Variants in SLC1A5 observed in about 807,000 individuals in gnomAD.
The protein encoded by SLC1A5 is solute carrier family 1 member 5, also known as neutral amino acid transporter B(0).
In SLC1A5, 25 loss-of-function variants were observed where a neutral mutation model predicts 34.9. That is an observed-to-expected ratio of 0.72 (90% CI 0.52 to 1.00). The LOEUF is 1.00. SLC1A5 is among the 50% of genes least tolerant of loss of function. The pLI is 0.00. For synonymous variants in SLC1A5, 351 were observed against 341.2 expected (o/e 1.03, Z -0.32); for missense variants, 637 against 740.0 (o/e 0.86, Z 1.61).
At position 46,782,376 on chromosome 19, in the gene SLC1A5, C is replaced by T; in HGVS notation, c.824+7G>A. ...ACCCACCCCCAGCCTCCTCTCCCAC[C>T]ACCTACCACATGATCCAGGAGACCA... On this transcript the variant is annotated splice_region_variant and intron_variant, in intron 4 of 7. Transcript: ENST00000542575. 1 of 1,604,464 alleles carries T rather than the reference C, an allele frequency of 6.2e-7. No homozygotes were observed. Among genetic ancestry groups the T allele is most frequent in the Non-Finnish European group, 8.5e-7 (1 of 1,173,592 alleles).
At chr19:46,776,283 C>T (rs897603181) in intron 7 of SLC1A5, among the ~76,000 whole-genome samples, 8 of 151,256 alleles carry the variant, frequency 5.3e-5, no homozygotes, top group Non-Finnish European at 1.2e-4. Flanking sequence ...TCACTGCAAC[C>T]TCCACCTCCC....
intron 3 of SLC1A5, among the ~76,000 whole-genome samples, chr19:46,782,930 C>T (rs1329315837): frequency 3.9e-5 from 6 of 152,092 alleles, no homozygotes; most frequent in Non-Finnish European, 8.8e-5. Context: ...GTGCAACAGC[C>T]TAGAAATGAG....
intron 4 of SLC1A5, among the ~76,000 whole-genome samples, chr19:46,779,756 G>T (rs1039339746): frequency 1.3e-5 from 2 of 151,980 alleles, no homozygotes; most frequent in Admixed American, 6.6e-5. Flanking sequence ...AAATAGGCCA[G>T]GCACGGTGGC....
chr19:46,776,626 A>C, intron 7 of SLC1A5: 1 of 233,970 alleles, frequency 4.3e-6, no homozygotes, highest in South Asian at 7.8e-5. Flanking sequence ...CCTTAGGGAG[A>C]GACTGTTCTT....
In SLC1A5 at chr19:46,787,988, T is replaced by A; in HGVS notation, c.-23A>T. ...CATGATGGGAAGCACCGGGGTTTCTTAGCGCCTGGAAGCTGGCTGGGAGCG... is the reference window on the plus strand; with the variant it reads ...CATGATGGGAAGCACCGGGGTTTCTAAGCGCCTGGAAGCTGGCTGGGAGCG... On this transcript the variant is annotated 5_prime_UTR_variant, in exon 1 of 8. Coordinates refer to ENST00000542575, the MANE Select transcript of SLC1A5 (RefSeq NM_005628.3). This position sits in a 1 kb window ranked among gnomAD's most constrained non-coding sequence, Gnocchi z 5.2. 1 of 1,525,618 alleles carries A rather than the reference T, an allele frequency of 6.6e-7. No homozygotes were observed. The allele number at this position is 1,525,618 out of a possible 1,614,324, so 94.5% of individuals were successfully genotyped here. A position where few individuals can be genotyped will look rare whatever the true frequency, so the allele number is the denominator to read the frequency against.
chr19:46,786,354 C>T (rs955256769), intron 1 of SLC1A5, among the ~76,000 whole-genome samples: 6 of 152,152 alleles, frequency 3.9e-5, no homozygotes, highest in Admixed American at 1.3e-4. Flanking sequence ...TGTTTTGGCA[C>T]GCAGGGGAGG....
rs1399677193 is a variant in SLC1A5, at chr19:46,777,091, G to A, written c.1272C>T (p.Ser424=). 6.2e-7 allele frequency: 1 copy of A among 1,613,708 alleles called. No homozygotes were observed. Among genetic ancestry groups the A allele is most frequent in the Non-Finnish European group, 8.5e-7 (1 of 1,179,954 alleles). Residue 424 remains serine, a synonymous_variant, in exon 7 of 8, where the codon TCC becomes TCT. Transcript: ENST00000542575. ...CAGGGATGCCCGCTGCCCCCACGCT[G>A]GACGCTGTGGCCGTGACCCTGAGGG... The part of the protein sequence containing the change: ...IITILVTATA[S]SVGAAGIPAG...
intron 5 of SLC1A5, 152 bp from the exon 6 acceptor site, chr19:46,777,557 T>A (rs2122682351): frequency 1.5e-6 from 1 of 645,744 alleles, no homozygotes; most frequent in Non-Finnish European, 2.4e-6. Flanking sequence ...AGAGCCTGCC[T>A]AAGCAAAGCC....
rs765583035 is a variant in SLC1A5, at chr19:46,784,531, C to T, written c.595G>A (p.Ala199Thr). The T allele has an allele frequency of 2.5e-6, 4 of 1,613,984 alleles. No individual in the cohort carries two copies. Among genetic ancestry groups the T allele is most frequent in the Non-Finnish European group, 3.4e-6 (4 of 1,180,034 alleles). Residue 199 changes from alanine to threonine, a missense_variant, in exon 2 of 8, where the codon GCA becomes ACA. Physicochemically the swap from Ala to Thr is moderately conservative, Grantham distance 58. Transcript: ENST00000542575. ...TGAGGACTCACTGAGCGAAAGGCTG[C>T]TGACACCAGGTTGGAAGGGAAGATA... ...RNIFPSNLVS[A>T]AFRSYSTTYE...
chr19:46,778,863 C>T lies in SLC1A5; in HGVS notation c.870G>A (p.Val290=). Residue 290 remains valine, a synonymous_variant, in exon 5 of 8, where the codon GTG becomes GTA. Transcript: ENST00000542575. ...GIMFLVAGKI[V]EMEDVGLLFA... ...AGAGTAAACCCACATCCTCCATCTC[C>T]ACGATCTTGCCAGCCACCAGGAACA... The T allele has an allele frequency of 6.3e-7, 1 of 1,593,774 alleles. No individual in the cohort carries two copies. The highest frequency in any genetic ancestry group is 2.2e-5 in the East Asian group (1 of 44,776).
At position 46,787,507 on chromosome 19, in the gene SLC1A5, C is replaced by T; in HGVS notation, c.459G>A (p.Leu153=). The change falls in exon 1 of 8, where the codon CTG becomes CTA. Residue 153 remains leucine (L), a synonymous_variant. Coordinates refer to ENST00000542575, the MANE Select transcript of SLC1A5 (RefSeq NM_005628.3). This position sits in a 1 kb window ranked among gnomAD's most constrained non-coding sequence, Gnocchi z 5.2. The part of the protein sequence containing the change: ...SALGVGLALA[L]QPGAASAAIN... ...TGGCGGCGGAGGCGGCGCCCGGCTG[C>T]AGAGCCAGCGCCAAGCCCACTCCGA... 1 of 1,580,980 alleles carries T rather than the reference C, an allele frequency of 6.3e-7. No homozygotes were observed.
At chr19:46,782,742 G>A (rs1346721623) in intron 3 of SLC1A5, among the ~76,000 whole-genome samples, 193 bp from the exon 4 acceptor site, 1 of 152,148 alleles carries the variant, frequency 6.6e-6, no homozygotes, top group African/African-American at 2.4e-5. Context: ...GGTGGGGCTG[G>A]AATAAGGGAG....
intron 7 of SLC1A5, chr19:46,776,650 A>C (rs2055091932): frequency 3.8e-6 from 1 of 262,640 alleles, no homozygotes; most frequent in Admixed American, 4.9e-5. Flanking sequence ...CCCGTTTTAC[A>C]GATGGAGAAA....
At position 46,775,543 on chromosome 19, in the gene SLC1A5, G is replaced by A; in HGVS notation, c.1593C>T (p.Ala531=). 6.2e-7 allele frequency: 1 copy of A among 1,613,646 alleles called. No individual in the cohort carries two copies. The highest frequency in any genetic ancestry group is 8.5e-7 in the Non-Finnish European group (1 of 1,179,720). ...LKHYRGPAGD[A]TVASEKESVM ...CTGATTCCTTCTCAGAGGCGACCGT[G>A]GCATCCCCTGCGGGCCCCCGATAGT... is the stretch of plus-strand genomic sequence containing the variant. The change falls in exon 8 of 8, where the codon GCC becomes GCT. Residue 531 remains alanine (A), a synonymous_variant. Transcript: ENST00000542575.
chr19:46,777,433 G>C (rs1017727209), intron 5 of SLC1A5, 28 bp from the exon 6 acceptor site: 6 of 1,577,252 alleles, frequency 3.8e-6, no homozygotes, highest in African/African-American at 1.3e-5. Flanking sequence ...GCTGAGTTAG[G>C]TTAACCTGCT....
Position 46,787,621 on chromosome 19 carries a change from G to A in SLC1A5, c.345C>T (p.Gly115=), listed in dbSNP as rs1203251116. 86 of 1,565,322 alleles carry A rather than the reference G, an allele frequency of 5.5e-5. No homozygotes were observed. The highest frequency in any genetic ancestry group is 6.6e-5 in the Non-Finnish European group (77 of 1,158,338). ...LPLVVCSLIG[G]AASLDPGALG... Reference sequence around the variant, plus strand: ...GCGCGCCGGGGTCCAGGCTGGCGGCGCCGCCGATCAAGCTGCACACCACCA... The same window carrying A: ...GCGCGCCGGGGTCCAGGCTGGCGGCACCGCCGATCAAGCTGCACACCACCA... The change falls in exon 1 of 8, where the codon GGC becomes GGT. Residue 115 remains glycine, a synonymous_variant. Coordinates refer to ENST00000542575, the MANE Select transcript of SLC1A5 (RefSeq NM_005628.3). This position sits in a 1 kb window ranked among gnomAD's most constrained non-coding sequence, Gnocchi z 5.2.
At chr19:46,783,019 G>C (rs191160715) in intron 3 of SLC1A5, among the ~76,000 whole-genome samples, 1 of 152,188 alleles carries the variant, frequency 6.6e-6, no homozygotes, top group Non-Finnish European at 1.5e-5. Context: ...ACTAGTTAAG[G>C]ATGGGCAGCC....
intron 4 of SLC1A5, among the ~76,000 whole-genome samples, chr19:46,779,601 G>C (rs997900198): frequency 3.3e-5 from 5 of 151,368 alleles, no homozygotes; most frequent in African/African-American, 1.2e-4. Flanking sequence ...CTCTGCAGAT[G>C]ATGAAAGATA....
In SLC1A5 at chr19:46,784,400, A is replaced by G; in HGVS notation, c.609+117T>C. The G allele has an allele frequency of 6.8e-6, 8 of 1,170,778 alleles. No individual in the cohort carries two copies. In the South Asian group the frequency reaches 9.2e-5, roughly 13 times the overall value. 72.5% of individuals were successfully genotyped at this position (1,170,778 alleles called of 1,614,324 possible). ...AACTCACAGGAGGCTCTGAGCCCGT[A>G]TTCTCATTGACATGCATTTTTCCAG... On this transcript the variant is annotated intron_variant, in intron 2 of 7. Transcript: ENST00000542575.
Sources: gnomAD v4.1 joint callset for allele counts (sites outside exome capture counted in the v4.1 genomes callset) on GRCh38, gnomAD v4.1.1 for gene constraint, Gnocchi (gnomAD v3.1) non-coding constraint, MANE v1.5 for transcripts, NCBI Gene and HGNC (gene_info 2026-07-23, HGNC 2026-07-21) for gene names.